Variants in ANKS3 observed in about 807,000 individuals in gnomAD.
ANKS3 encodes the protein ankyrin repeat and sterile alpha motif domain containing 3.
ANKS3 carries 62 observed loss-of-function variants against 80.7 expected under a neutral mutation model. The ratio of observed to expected loss-of-function variants is 0.77; its 90% confidence interval spans 0.63 to 0.95. The LOEUF (loss-of-function observed/expected upper bound fraction) is 0.95, where lower values mean the gene tolerates loss of function less well. Among genes scored for constraint, ANKS3 ranks in the 40% least tolerant of loss-of-function variants. ANKS3 has a pLI of 0.00. For missense variants in ANKS3, 1,150 were observed against 883.6 expected (o/e 1.30, Z -3.82); for synonymous variants, 489 against 355.3 (o/e 1.38, Z -4.23).
At chr16:4,726,266 A>G (rs2142151273) in intron 5 of ANKS3, among the ~76,000 whole-genome samples, 1 of 152,124 alleles carries the variant, frequency 6.6e-6, no homozygotes, top group Admixed American at 6.5e-5. Context: ...GTGAGCCACC[A>G]CGCCCGGCCT....
chr16:4,702,890 C>T (rs1462817516), intron 8 of ANKS3, among the ~76,000 whole-genome samples: 1 of 152,098 alleles, frequency 6.6e-6, no homozygotes, highest in East Asian at 1.9e-4. Flanking sequence ...GTAATCTCAG[C>T]TACTTGGGAG....
chr16:4,698,637 G>A (rs1425810410), intron 13 of ANKS3, 38 bp from the exon 14 acceptor site: 5 of 1,535,072 alleles, frequency 3.3e-6, no homozygotes, highest in East Asian at 2.3e-5. Context: ...GCTGGGAGGT[G>A]GCCGGTCAAG....
In ANKS3 at chr16:4,699,101, G is replaced by A. The variant is rs373937147; in HGVS notation, c.1360C>T (p.Arg454Cys). 2.6e-5 allele frequency: 42 copies of A among 1,614,156 alleles called. No homozygotes were observed. The highest frequency in any genetic ancestry group is 9.9e-5 in the South Asian group (9 of 91,080). ...QVFEEQDVDL[R>C]IFLTLTESDL... ...CTCTCAGTGAGGGTCAGAAAGATGC[G>A]GAGGTCCACGTCCTGCTCCTCAAAC... is the stretch of plus-strand genomic sequence containing the variant. Residue 454 changes from arginine (R) to cysteine (C), a missense_variant, in exon 12 of 18, where the codon CGC (arginine) becomes TGC (cysteine). Physicochemically the swap from Arg to Cys is radical, Grantham distance 180. Transcript: ENST00000304283.
chr16:4,698,066 C>A lies in ANKS3; in HGVS notation c.1725-4G>T, dbSNP rs771514686. ...TGACAGCTCAGCTTGACAGGCTCTG[C>A]CAGACACAGAAACAAATATTGGTGA... On this transcript the variant is annotated splice_region_variant and splice_polypyrimidine_tract_variant and intron_variant, in intron 14 of 17. Transcript: ENST00000304283. 2 of 1,604,230 alleles carry A rather than the reference C, an allele frequency of 1.2e-6. No homozygotes were observed. The highest frequency in any genetic ancestry group is 1.7e-6 in the Non-Finnish European group (2 of 1,176,152).
intron 6 of ANKS3, among the ~76,000 whole-genome samples, chr16:4,719,004 A>C (rs944413388): frequency 1.3e-5 from 2 of 152,218 alleles, no homozygotes; most frequent in African/African-American, 4.8e-5. Context: ...TAAGAAAATG[A>C]GGTGAAATGT....
At chr16:4,715,462 G>A (rs975431303) in intron 6 of ANKS3, among the ~76,000 whole-genome samples, 27 of 152,154 alleles carry the variant, frequency 1.8e-4, no homozygotes, top group African/African-American at 5.6e-4. Flanking sequence ...AGGGTGTGGC[G>A]GCACATGCCT....
rs1288047435 is a variant in ANKS3 at position 4,698,858 on chromosome 16, A to C, written c.1493T>G (p.Leu498Arg). 6.2e-7 allele frequency: 1 copy of C among 1,604,180 alleles called. No homozygotes were observed. Among genetic ancestry groups the C allele is most frequent in the Non-Finnish European group, 8.5e-7 (1 of 1,174,776 alleles). ...AGCCTCCAGCCGGTCGGCGTAGGCCAGCTCCAGGGCATCCCCGGGTGGGCG... is the reference window on the plus strand; with the variant it reads ...AGCCTCCAGCCGGTCGGCGTAGGCCCGCTCCAGGGCATCCCCGGGTGGGCG... Reference protein sequence around the residue: ...SARPPGDALELAYADRLEAEM... With the variant: ...SARPPGDALERAYADRLEAEM... The change falls in exon 13 of 18, where the codon CTG becomes CGG. Residue 498 changes from leucine (L) to arginine (R), a missense_variant. Transcript: ENST00000304283.
intron 1 of ANKS3, among the ~76,000 whole-genome samples, chr16:4,733,301 AT>A (rs1006427409): frequency 6.9e-6 from 1 of 144,398 alleles, no homozygotes; most frequent in Non-Finnish European, 1.5e-5. Context: ...ATTTATTATT[AT>A]TTTTTTTGAG....
At chr16:4,726,275 C>A (rs1310022445) in intron 5 of ANKS3, among the ~76,000 whole-genome samples, 1 of 152,198 alleles carries the variant, frequency 6.6e-6, no homozygotes, top group Non-Finnish European at 1.5e-5. Context: ...CACGCCCGGC[C>A]TCATGACTGT....
At chr16:4,698,119 C>G in intron 14 of ANKS3, 57 bp from the exon 15 acceptor site, 1 of 1,524,146 alleles carries the variant, frequency 6.6e-7, no homozygotes, top group Non-Finnish European at 8.9e-7. Context: ...CTGCAGAGCC[C>G]CCACCTCAGA....
intron 15 of ANKS3, 47 bp from the exon 16 acceptor site, chr16:4,697,463 C>T (rs373081342): frequency 3.4e-5 from 49 of 1,449,714 alleles, no homozygotes; most frequent in Non-Finnish European, 4.3e-5. Context: ...TCTGCGTCCC[C>T]ACAGGCCCTG....
At chr16:4,701,407 G>C (rs371413094) in intron 10 of ANKS3, 27 bp downstream of exon 10, 1 of 1,572,876 alleles carries the variant, frequency 6.4e-7, no homozygotes, top group African/African-American at 1.4e-5. Flanking sequence ...ACCGGCTATG[G>C]GAGACCAAGA....
At chr16:4,699,014 C>G (rs1463493723) in intron 12 of ANKS3, 38 bp downstream of exon 12, 1 of 1,614,136 alleles carries the variant, frequency 6.2e-7, no homozygotes, top group Admixed American at 1.7e-5. Context: ...TTTGCCCCAA[C>G]CCCGGGCTGA....
intron 8 of ANKS3, among the ~76,000 whole-genome samples, chr16:4,703,268 A>G (rs987040796): frequency 2.6e-5 from 4 of 152,058 alleles, no homozygotes; most frequent in Non-Finnish European, 4.4e-5. Flanking sequence ...ATGGGCCACC[A>G]TATCTGGCTA....
At chr16:4,700,670 C>A in intron 11 of ANKS3, 1 of 489,852 alleles carries the variant, frequency 2.0e-6, no homozygotes, top group Non-Finnish European at 3.8e-6. Context: ...TGTCAGACTC[C>A]TGCAGGCAGC....
intron 5 of ANKS3, 31 bp downstream of exon 5, chr16:4,726,628 C>T (rs1196229744): frequency 1.2e-6 from 2 of 1,608,498 alleles, no homozygotes; most frequent in South Asian, 2.2e-5. Context: ...ACCTAGGCCA[C>T]TCCTGTGGCC....
intron 1 of ANKS3, among the ~76,000 whole-genome samples, chr16:4,733,555 G>A (rs534815039): frequency 6.6e-6 from 1 of 152,184 alleles, no homozygotes; most frequent in Admixed American, 6.6e-5. Context: ...GCCTCCCAAA[G>A]TGCTAGGATT....
chr16:4,703,303 A>G (rs942935319), intron 8 of ANKS3, among the ~76,000 whole-genome samples: 11 of 152,228 alleles, frequency 7.2e-5, no homozygotes, highest in Middle Eastern at 6.8e-3. Flanking sequence ...TTGTAGAGAT[A>G]GGGTCTTGCT....
chr16:4,732,690 C>CAA (rs1179759248), intron 1 of ANKS3, among the ~76,000 whole-genome samples: 2 of 133,362 alleles, frequency 1.5e-5, no homozygotes, highest in Non-Finnish European at 3.1e-5. Flanking sequence ...AAAAAAAAAA[C>CAA]AAAAAAAAAA....
Sources: gnomAD v4.1 joint callset for allele counts (sites outside exome capture counted in the v4.1 genomes callset) on GRCh38, gnomAD v4.1.1 for gene constraint, MANE v1.5 for transcripts, NCBI Gene and HGNC (gene_info 2026-07-23, HGNC 2026-07-21) for gene names.